Variants in NIPAL2 observed in about 807,000 individuals in gnomAD.
NIPAL2 encodes NIPA-like protein 2.
Under a neutral mutation model 48.9 loss-of-function variants are expected in NIPAL2, and 43 were observed. That is an observed-to-expected ratio of 0.88 (90% CI 0.69 to 1.13). NIPAL2 has a LOEUF of 1.13. NIPAL2 is among the 50% of genes most tolerant of loss of function. The pLI, the probability that NIPAL2 is intolerant of heterozygous loss-of-function variation, is 0.00. For synonymous variants in NIPAL2, 167 were observed against 174.6 expected (o/e 0.96, Z 0.34); for missense variants, 446 against 461.4 (o/e 0.97, Z 0.31).
intron 1 of NIPAL2, among the ~76,000 whole-genome samples, chr8:98,283,615 A>G (rs913108668): frequency 1.3e-5 from 2 of 152,200 alleles, no homozygotes; most frequent in African/African-American, 4.8e-5. Context: ...GCAGGATTGC[A>G]GGCCACCTTT....
intron 6 of NIPAL2, among the ~76,000 whole-genome samples, chr8:98,208,445 C>T (rs991182581): frequency 2.0e-5 from 3 of 151,994 alleles, no homozygotes; most frequent in Non-Finnish European, 4.4e-5. Context: ...AACCCAGAGG[C>T]GTTAGAGTAC....
At chr8:98,282,698 A>C (rs1304496667) in intron 1 of NIPAL2, among the ~76,000 whole-genome samples, 13 of 152,156 alleles carry the variant, frequency 8.5e-5, no homozygotes, top group South Asian at 2.1e-4. Flanking sequence ...AAGAAAAAAG[A>C]AACAATATTC....
intron 5 of NIPAL2, among the ~76,000 whole-genome samples, chr8:98,214,315 C>A (rs951837134): frequency 1.8e-4 from 27 of 152,208 alleles, no homozygotes; most frequent in Admixed American, 1.6e-3. Flanking sequence ...GGGTGCCCGC[C>A]ACCACGCCCG....
chr8:98,201,861 C>T (rs376301210), intron 8 of NIPAL2, among the ~76,000 whole-genome samples: 1 of 151,808 alleles, frequency 6.6e-6, no homozygotes, highest in Admixed American at 6.6e-5. Context: ...AAAGAACTAC[C>T]CACTGACAGT....
chr8:98,223,038 G>T (rs1304629236), intron 4 of NIPAL2, among the ~76,000 whole-genome samples: 3 of 152,196 alleles, frequency 2.0e-5, no homozygotes, highest in African/African-American at 7.2e-5. Context: ...ACTATCACAT[G>T]ATGATCTGCT....
At chr8:98,259,472 C>A (rs1163903396) in intron 1 of NIPAL2, among the ~76,000 whole-genome samples, 1 of 152,140 alleles carries the variant, frequency 6.6e-6, no homozygotes. Flanking sequence ...ATGTATCAGA[C>A]AAGTTATTTG....
At chr8:98,256,016 A>C (rs1269905067) in intron 1 of NIPAL2, among the ~76,000 whole-genome samples, 2 of 152,068 alleles carry the variant, frequency 1.3e-5, no homozygotes, top group Non-Finnish European at 2.9e-5. Flanking sequence ...CAAGATTAAA[A>C]ACTTATTTTT....
chr8:98,242,488 A>ATTTTTTGTTTTTTTTTTTTTT (rs774556900), intron 3 of NIPAL2, among the ~76,000 whole-genome samples: 12 of 117,776 alleles, frequency 1.0e-4, no homozygotes, highest in East Asian at 5.1e-4. Flanking sequence ...CACCTGACAG[A>ATTTTTTGTTTTTTTTTTTTTT]TTTTTTTTTT....
At chr8:98,199,913 G>A (rs771652281) in intron 8 of NIPAL2, among the ~76,000 whole-genome samples, 7 of 152,016 alleles carry the variant, frequency 4.6e-5, no homozygotes, top group Non-Finnish European at 7.4e-5. Context: ...TGTTTCCAGA[G>A]ATTTTCTTGG....
intron 5 of NIPAL2, among the ~76,000 whole-genome samples, chr8:98,218,700 T>C (rs1811697595): frequency 6.6e-6 from 1 of 152,190 alleles, no homozygotes; most frequent in Non-Finnish European, 1.5e-5. Context: ...CAGGGTCTTC[T>C]GGAATAAGAC....
chr8:98,257,971 C>A (rs1169163965), intron 1 of NIPAL2, among the ~76,000 whole-genome samples: 1 of 152,192 alleles, frequency 6.6e-6, no homozygotes, highest in Non-Finnish European at 1.5e-5. Context: ...CAAACTGTGG[C>A]CTGACCACTT....
chr8:98,289,591 TCCTCCTG>T (rs1816384216), intron 1 of NIPAL2, among the ~76,000 whole-genome samples: 1 of 152,016 alleles, frequency 6.6e-6, no homozygotes, highest in East Asian at 1.9e-4. Context: ...GCTCAAGAGA[TCCTCCTG>T]TCTCAGCCTC....
intron 4 of NIPAL2, among the ~76,000 whole-genome samples, chr8:98,224,336 GTTTT>G (rs891589863): frequency 6.6e-6 from 1 of 150,896 alleles, no homozygotes; most frequent in East Asian, 1.9e-4. Context: ...TGTACATGAG[GTTTT>G]TTTTTACATA....
chr8:98,192,562 C>T lies in NIPAL2; in HGVS notation c.*416G>A. ...GTCTTAGAAAAAAAATGAGCGCTCT[C>T]AAACCTTTCTTTTGGGAGTGAGGTT... On this transcript the variant is annotated 3_prime_UTR_variant, in exon 11 of 11. Coordinates refer to ENST00000430223, the MANE Select transcript of NIPAL2 (RefSeq NM_001321635.2). 6.2e-6 allele frequency: 1 copy of T among 160,802 alleles called. No homozygotes were observed. The highest frequency in any genetic ancestry group is 1.4e-5 in the Non-Finnish European group (1 of 73,706). The allele number at this position is 160,802 out of a possible 1,614,324, so 10.0% of individuals were successfully genotyped here. A position where few individuals can be genotyped will look rare whatever the true frequency, so the allele number is the denominator to read the frequency against.
chr8:98,241,211 A>G (rs1307236285), intron 3 of NIPAL2, among the ~76,000 whole-genome samples: 1 of 152,250 alleles, frequency 6.6e-6, no homozygotes, highest in Non-Finnish European at 1.5e-5. Context: ...GTGAACAGGT[A>G]TACCCACCAG....
At chr8:98,208,506 T>C (rs1811148966) in intron 6 of NIPAL2, among the ~76,000 whole-genome samples, 1 of 152,072 alleles carries the variant, frequency 6.6e-6, no homozygotes. Flanking sequence ...TGGAGTGCAA[T>C]GGTGCGATCT....
At chr8:98,262,773 C>T (rs1293770356) in intron 1 of NIPAL2, among the ~76,000 whole-genome samples, 15 of 150,972 alleles carry the variant, frequency 9.9e-5, no homozygotes, top group African/African-American at 3.1e-4. Context: ...CTGCACCAAG[C>T]AGACCTAATA....
intron 6 of NIPAL2, among the ~76,000 whole-genome samples, chr8:98,210,061 A>G (rs777165051): frequency 1.3e-5 from 2 of 151,762 alleles, no homozygotes; most frequent in Non-Finnish European, 2.9e-5. Flanking sequence ...TGGAGGATCT[A>G]TTTTATTAGT....
intron 4 of NIPAL2, among the ~76,000 whole-genome samples, chr8:98,234,123 A>G (rs1812588929): frequency 6.6e-6 from 1 of 152,176 alleles, no homozygotes; most frequent in Non-Finnish European, 1.5e-5. Flanking sequence ...GAGGGATCTT[A>G]ATGATCCTAC....
Sources: allele counts gnomAD v4.1 joint callset (sites outside exome capture counted in the v4.1 genomes callset), GRCh38; gene constraint gnomAD v4.1.1; transcripts MANE v1.5; gene names NCBI Gene and HGNC (gene_info 2026-07-23, HGNC 2026-07-21).